The following BOD1L1 variants were observed in gnomAD, a reference collection of about 807,000 sequenced individuals.
BOD1L1 encodes the protein biorientation of chromosomes in cell division 1 like 1.
In BOD1L1, 86 loss-of-function variants were observed where a neutral mutation model predicts 240.7. The ratio of observed to expected loss-of-function variants is 0.36; its 90% confidence interval spans 0.30 to 0.43. The LOEUF (loss-of-function observed/expected upper bound fraction) is 0.43. Ranked by LOEUF, BOD1L1 falls within the 20% of genes least tolerant of loss-of-function variation. BOD1L1 has a pLI of 1.00. For missense variants in BOD1L1, 3,554 were observed against 3,643.5 expected, an observed-to-expected ratio of 0.98 and a Z score of 0.63; for synonymous variants, 1,268 against 1,272.3, an observed-to-expected ratio of 1.00 and a Z score of 0.07.
In BOD1L1 at chr4:13,604,450, T is replaced by C. The variant is rs1715507226; in HGVS notation, c.2450A>G (p.Asp817Gly). The C allele has an allele frequency of 1.3e-6, 2 of 1,558,720 alleles. No homozygotes were observed. The highest frequency in any genetic ancestry group is 1.7e-6 in the Non-Finnish European group (2 of 1,162,740). The change falls in exon 10 of 26, where the codon GAT becomes GGT. Residue 817 changes from aspartate to glycine, a missense_variant. Coordinates refer to ENST00000040738, the MANE Select transcript of BOD1L1 (RefSeq NM_148894.3). The stretch of plus-strand genomic sequence containing the variant: ...GTTGTTTTCTTTACGAACATTCTCA[T>C]CTGTTTTTATAATATATTCAGAAAC... The part of the protein sequence containing the change: ...KPVSEYIIKT[D>G]ENVRKENNKK...
chr4:13,588,851 T>C (rs997562143), intron 14 of BOD1L1, 59 bp from the exon 15 acceptor site: 83 of 1,266,864 alleles, frequency 6.6e-5, no homozygotes, highest in Non-Finnish European at 8.2e-5. Context: ...TTCCAATACT[T>C]ACTTAGGTAT....
At chr4:13,582,214 C>T (rs17806907) in intron 19 of BOD1L1, 23 bp downstream of exon 19, 248,757 of 1,588,910 alleles carry the variant, frequency 0.16, 20,791 homozygotes, top group Middle Eastern at 0.21. Context: ...TGTGAACAAA[C>T]AAATACGAAA....
chr4:13,599,147 T>A lies in BOD1L1; in HGVS notation c.7753A>T (p.Ile2585Phe). The A allele has an allele frequency of 6.2e-7, 1 of 1,614,010 alleles. No individual in the cohort carries two copies. The highest frequency in any genetic ancestry group is 8.5e-7 in the Non-Finnish European group (1 of 1,179,896). The change falls in exon 10 of 26, where the codon ATC (isoleucine) becomes TTC (phenylalanine). Residue 2585 changes from isoleucine (I) to phenylalanine (F), a missense_variant. Transcript: ENST00000040738. ...GCTACACTGTAAGTAGCTGGAGGGA[T>A]CATTGTGTGGGAAGGAGCAATTTTT... ...ESKIAPSHTM[I>F]PPATYSVALL...
rs779473224 is a variant in BOD1L1, at chr4:13,570,008, G to A, written c.*3C>T. The A allele has an allele frequency of 6.3e-7, 1 of 1,594,832 alleles. No individual in the cohort carries two copies. The highest frequency in any genetic ancestry group is 1.8e-5 in the Admixed American group (1 of 56,652). ...CATAAGCCTAGGGCAGCAGTGGTCA[G>A]GATTATCGCTTCGCTTTTTTCACAG... On this transcript the variant is annotated 3_prime_UTR_variant, in exon 26 of 26. Transcript: ENST00000040738.
chr4:13,591,965 A>G lies in BOD1L1; in HGVS notation c.8106T>C (p.Ala2702=). ...SLCGGKPSGI[A]ELQREPLLVN... is the part of the protein sequence containing the mutation. ...CCAACAAAGGCTCCCTCTGGAGTTC[A>G]GCTGTTCAAAAATAAAAATGAGATG... is the stretch of plus-strand genomic sequence containing the variant. The change falls in exon 13 of 26, where the codon GCT becomes GCC. Residue 2702 remains alanine (A), a splice_region_variant and synonymous_variant. Coordinates refer to ENST00000040738, the MANE Select transcript of BOD1L1 (RefSeq NM_148894.3). 2 of 1,551,080 alleles carry G rather than the reference A, an allele frequency of 1.3e-6. No homozygotes were observed. The highest frequency in any genetic ancestry group is 1.7e-6 in the Non-Finnish European group (2 of 1,146,984).
Position 13,614,689 on chromosome 4 carries a change from G to A in BOD1L1, c.681C>T (p.Ala227=), listed in dbSNP as rs1489876929. 1 of 1,613,814 alleles carries A rather than the reference G, an allele frequency of 6.2e-7. No homozygotes were observed. Among genetic ancestry groups the A allele is most frequent in the Admixed American group, 1.7e-5 (1 of 59,990 alleles). Residue 227 remains alanine (A), a synonymous_variant, in exon 4 of 26, where the codon GCC becomes GCT. Transcript: ENST00000040738. ...AARASTETSN[A]KTSERASKKL... The stretch of plus-strand genomic sequence containing the variant: ...TTTTTGACGCTCTCTCACTGGTCTT[G>A]GCATTTGATGTTTCTGTTGAAGCCC...
chr4:13,577,327 C>T, intron 24 of BOD1L1, 76 bp downstream of exon 24: 1 of 1,263,166 alleles, frequency 7.9e-7, no homozygotes, highest in Non-Finnish European at 1.1e-6. Flanking sequence ...TTGGATTTTT[C>T]CTCATTCAAA....
In BOD1L1 at chr4:13,607,144, A is replaced by G; in HGVS notation, c.1788T>C (p.Asp596=). 1 of 1,573,978 alleles carries G rather than the reference A, an allele frequency of 6.4e-7. No individual in the cohort carries two copies. Among genetic ancestry groups the G allele is most frequent in the South Asian group, 1.2e-5 (1 of 85,896 alleles). ...NSKKKQQYEE[D]SKETLKTSEH... is the part of the protein sequence containing the mutation. ...CACTTGTTTTAAGGGTTTCTTTGGA[A>G]TCTTCTTCATATTGCTGTTTCTTTT... Residue 596 remains aspartate, a synonymous_variant, in exon 9 of 26, where the codon GAT becomes GAC. Coordinates refer to ENST00000040738, the MANE Select transcript of BOD1L1 (RefSeq NM_148894.3).
chr4:13,570,983 AAAC>A lies in BOD1L1; in HGVS notation c.9039-858_9039-856del, dbSNP rs371666676. Reference sequence around the variant, plus strand: ...ACTGCAAGTTACAATCAATATTTTAAAACAACATGTTAATAGGACACAACAGAA... The same window carrying A: ...ACTGCAAGTTACAATCAATATTTTAAAACATGTTAATAGGACACAACAGAA... On this transcript the variant is annotated intron_variant, in intron 25 of 25. Transcript: ENST00000040738. Among the ~76,000 whole-genome samples, 6 of 152,330 alleles carry A rather than the reference AAAC, an allele frequency of 3.9e-5. 1 individual carries two copies. Among genetic ancestry groups the A allele is most frequent in the African/African-American group, 1.4e-4 (6 of 41,584 alleles).
intron 16 of BOD1L1, 41 bp from the exon 17 acceptor site, chr4:13,586,516 T>C: frequency 7.2e-7 from 1 of 1,387,216 alleles, no homozygotes; most frequent in Non-Finnish European, 1.0e-6. Flanking sequence ...GAACAAAAGC[T>C]AAATGAAAAA....
chr4:13,616,985 G>A (rs535075060), intron 2 of BOD1L1, among the ~76,000 whole-genome samples: 7 of 152,122 alleles, frequency 4.6e-5, no homozygotes, highest in East Asian at 1.9e-4. Context: ...GGTGGCTCAC[G>A]CCTGTAATCC....
chr4:13,581,057 A>T lies in BOD1L1; in HGVS notation c.8669-3T>A. ...AGTATCTGTTTTGGAGTCGTCTTCT[A>T]AAAAAAAAAAATTCACTTAGAAAAT... On this transcript the variant is annotated splice_polypyrimidine_tract_variant and splice_region_variant and intron_variant, in intron 20 of 25. Transcript: ENST00000040738. 3.4e-6 allele frequency: 2 copies of T among 590,248 alleles called. No individual in the cohort carries two copies. The highest frequency in any genetic ancestry group is 4.2e-5 in the Admixed American group (1 of 24,054). 36.6% of individuals were successfully genotyped at this position (590,248 alleles called of 1,614,324 possible). A position where few individuals can be genotyped will look rare whatever the true frequency, so the allele number is the denominator to read the frequency against.
In BOD1L1 at chr4:13,601,996, G is replaced by T; in HGVS notation, c.4904C>A (p.Ala1635Glu). 1 of 1,613,900 alleles carries T rather than the reference G, an allele frequency of 6.2e-7. No homozygotes were observed. Among genetic ancestry groups the T allele is most frequent in the Non-Finnish European group, 8.5e-7 (1 of 1,179,888 alleles). ...DRAADLLAVH[A>E]VKIEANVNSV... Reference sequence around the variant, plus strand: ...ATTTACATTGGCTTCGATTTTAACTGCATGCACAGCCAGTAGGTCTGCTGC... The same window carrying T: ...ATTTACATTGGCTTCGATTTTAACTTCATGCACAGCCAGTAGGTCTGCTGC... Residue 1635 changes from alanine to glutamate, a missense_variant, in exon 10 of 26, where the codon GCA (alanine) becomes GAA (glutamate). Physicochemically the swap from Ala to Glu is moderately radical, Grantham distance 107. This residue lies in a region of BOD1L1 where 3,393 missense variants were observed against 3,427.1 expected (regional missense o/e 0.99). Coordinates refer to ENST00000040738, the MANE Select transcript of BOD1L1 (RefSeq NM_148894.3).
At position 13,619,937 on chromosome 4, in the gene BOD1L1, A is replaced by G; in HGVS notation, c.368+6T>C. ...ACCTGCCCAGAACTCTATCTCTGAG[A>G]CTTACTTGAGGACTTGTTGTCTAAT... On this transcript the variant is annotated splice_donor_region_variant and intron_variant, in intron 2 of 25. Transcript: ENST00000040738. The G allele has an allele frequency of 6.2e-7, 1 of 1,612,634 alleles. No individual in the cohort carries two copies. The highest frequency in any genetic ancestry group is 8.5e-7 in the Non-Finnish European group (1 of 1,179,254).
chr4:13,612,900 G>C (rs1716292323), intron 5 of BOD1L1, among the ~76,000 whole-genome samples: 1 of 152,158 alleles, frequency 6.6e-6, no homozygotes, highest in Non-Finnish European at 1.5e-5. Context: ...CCAAGGCTCT[G>C]GTGAACTTCC....
intron 25 of BOD1L1, among the ~76,000 whole-genome samples, chr4:13,571,970 G>A (rs1168954255): frequency 1.3e-5 from 2 of 152,178 alleles, no homozygotes; most frequent in East Asian, 1.9e-4. Context: ...TGAAAATGTG[G>A]TAAGAGGTCA....
chr4:13,588,719 C>T lies in BOD1L1; in HGVS notation c.8280+3G>A. 1.3e-6 allele frequency: 2 copies of T among 1,589,198 alleles called. No homozygotes were observed. The highest frequency in any genetic ancestry group is 1.7e-5 in the Admixed American group (1 of 57,460). On this transcript the variant is annotated splice_donor_region_variant and intron_variant, in intron 15 of 25. Coordinates refer to ENST00000040738, the MANE Select transcript of BOD1L1 (RefSeq NM_148894.3). ...TCAAACACTTGAGTTTATTAAAATG[C>T]ACCTCTTTAGGATCTGCTTCAACAC... is the stretch of plus-strand genomic sequence containing the variant.
chr4:13,579,385 CAT>C (rs1244050078), intron 22 of BOD1L1, among the ~76,000 whole-genome samples: 3 of 152,168 alleles, frequency 2.0e-5, no homozygotes, highest in Non-Finnish European at 4.4e-5. Context: ...TACGATCACA[CAT>C]AGTTAAATGT....
In BOD1L1 at chr4:13,600,555, A is replaced by C. The variant is rs771646808; in HGVS notation, c.6345T>G (p.Phe2115Leu). 2.5e-5 allele frequency: 40 copies of C among 1,612,988 alleles called. No homozygotes were observed. Among genetic ancestry groups the C allele is most frequent in the Non-Finnish European group, 3.2e-5 (38 of 1,179,634 alleles). ...MEGTRVTTEE[F>L]EAPMPSAVSG... ...AGACTGCACTGGGCATGGGGGCCTC[A>C]AATTCTTCTGTGGTTACTCTGGTAC... Residue 2115 changes from phenylalanine to leucine, a missense_variant, in exon 10 of 26, where the codon TTT (phenylalanine) becomes TTG (leucine). Transcript: ENST00000040738.
Sources: gnomAD v4.1 joint callset for allele counts (sites outside exome capture counted in the v4.1 genomes callset) on GRCh38, gnomAD v4.1.1 for gene constraint, gnomAD v4.1.1 regional missense constraint, MANE v1.5 for transcripts, NCBI Gene and HGNC (gene_info 2026-07-23, HGNC 2026-07-21) for gene names.